The following CAMK4 variants were observed in gnomAD, a reference collection of about 807,000 sequenced individuals.
The protein encoded by CAMK4 is calcium/calmodulin dependent protein kinase IV.
Under a neutral mutation model 44.9 loss-of-function variants are expected in CAMK4, and 22 were observed. The observed-to-expected ratio is 0.49, with a 90% CI of 0.35 to 0.70. CAMK4 has a LOEUF of 0.70. CAMK4 is among the 30% of genes least tolerant of loss of function. The probability of loss-of-function intolerance (pLI) is 0.01; values close to 1 mark genes in which losing one functional copy is unlikely to be tolerated. For missense variants in CAMK4, 498 were observed against 586.8 expected, an observed-to-expected ratio of 0.85 and a Z score of 1.56; for synonymous variants, 218 against 215.4, an observed-to-expected ratio of 1.01 and a Z score of -0.11.
chr5:111,377,549 G>A (rs1243082173), intron 4 of CAMK4, among the ~76,000 whole-genome samples: 5 of 151,858 alleles, frequency 3.3e-5, no homozygotes, highest in Non-Finnish European at 7.4e-5. Flanking sequence ...TGGAAATCTG[G>A]CAGAGCATAA....
chr5:111,443,965 G>A (rs1053285956), intron 5 of CAMK4, among the ~76,000 whole-genome samples: 5 of 152,110 alleles, frequency 3.3e-5, no homozygotes, highest in African/African-American at 7.2e-5. Flanking sequence ...TGGGGACACC[G>A]CATGTTTTCC....
intron 1 of CAMK4, among the ~76,000 whole-genome samples, chr5:111,325,257 A>G (rs577488279): frequency 1.2e-4 from 19 of 152,168 alleles, no homozygotes; most frequent in Admixed American, 9.8e-4. Flanking sequence ...TATCCAGTCT[A>G]TCATTGATGG....
At chr5:111,229,748 G>C (rs1454418126) in intron 1 of CAMK4, among the ~76,000 whole-genome samples, 1 of 152,112 alleles carries the variant, frequency 6.6e-6, no homozygotes, top group Non-Finnish European at 1.5e-5. Flanking sequence ...TATCTTACTA[G>C]GAATTAAAAA....
intron 2 of CAMK4, among the ~76,000 whole-genome samples, chr5:111,346,968 C>G (rs562492691): frequency 6.6e-6 from 1 of 152,058 alleles, no homozygotes; most frequent in East Asian, 1.9e-4. Context: ...AGCACGGGTA[C>G]ACTATGAAAG....
rs145320907 is a variant in CAMK4 at position 111,436,499 on chromosome 5, G to A, written c.460-10187G>A. On this transcript the variant is annotated intron_variant, in intron 5 of 10. Coordinates refer to ENST00000282356, the MANE Select transcript of CAMK4 (RefSeq NM_001744.6). ...CCCTATGACATTGCCATCCCAGCAA[G>A]TATTTTCCAGCAAAATGATGCTTCA... is the stretch of plus-strand genomic sequence containing the variant. Among the ~76,000 whole-genome samples, 892 of 152,260 alleles carry A rather than the reference G, an allele frequency of 5.9e-3. 6 individuals carry two copies. Among genetic ancestry groups the A allele is most frequent in the Admixed American group, 0.016 (246 of 15,286 alleles).
At chr5:111,373,754 A>C (rs1751102690) in intron 2 of CAMK4, among the ~76,000 whole-genome samples, 1 of 152,152 alleles carries the variant, frequency 6.6e-6, no homozygotes. Flanking sequence ...TTCACTTCTA[A>C]AACCATGTAA....
chr5:111,257,966 T>C (rs1749811050), intron 1 of CAMK4, among the ~76,000 whole-genome samples: 1 of 151,898 alleles, frequency 6.6e-6, no homozygotes. Flanking sequence ...GACAATGAGA[T>C]ACCATCTCAG....
At chr5:111,354,987 A>T (rs1750274424) in intron 2 of CAMK4, among the ~76,000 whole-genome samples, 1 of 152,120 alleles carries the variant, frequency 6.6e-6, no homozygotes, top group African/African-American at 2.4e-5. Context: ...TTCAATCTGG[A>T]TGAAAGATAT....
intron 1 of CAMK4, among the ~76,000 whole-genome samples, chr5:111,236,604 T>C (rs1312952450): frequency 6.6e-6 from 1 of 152,200 alleles, no homozygotes; most frequent in African/African-American, 2.4e-5. Flanking sequence ...TCTTCATATC[T>C]CTGTGGTGTT....
intron 3 of CAMK4, among the ~76,000 whole-genome samples, chr5:111,375,775 T>C (rs1040884655): frequency 6.6e-6 from 1 of 152,146 alleles, no homozygotes; most frequent in East Asian, 1.9e-4. Flanking sequence ...CCATCCTTGG[T>C]TCTGCCATCC....
chr5:111,401,131 CTCTCT>C (rs915659185), intron 5 of CAMK4, among the ~76,000 whole-genome samples: 7 of 152,126 alleles, frequency 4.6e-5, no homozygotes, highest in Non-Finnish European at 7.4e-5. Context: ...CTCTGCTCTT[CTCTCT>C]TCTCTTCTCT....
chr5:111,361,870 T>C (rs929127752), intron 2 of CAMK4, among the ~76,000 whole-genome samples: 3 of 152,034 alleles, frequency 2.0e-5, no homozygotes, highest in African/African-American at 7.2e-5. Context: ...TTTAGAAAAT[T>C]TTTTAGAATA....
chr5:111,285,835 G>C (rs1751219241), intron 1 of CAMK4, among the ~76,000 whole-genome samples: 1 of 152,200 alleles, frequency 6.6e-6, no homozygotes, highest in Non-Finnish European at 1.5e-5. Context: ...TGACAGAGCA[G>C]TGTTTGAGGG....
intron 1 of CAMK4, among the ~76,000 whole-genome samples, chr5:111,238,746 A>C (rs1222637197): frequency 7.0e-6 from 1 of 142,674 alleles, no homozygotes; most frequent in Non-Finnish European, 1.5e-5. Context: ...CCCACTTCAC[A>C]AGGAGTAAAG....
chr5:111,467,591 T>C (rs1754887253), intron 7 of CAMK4, among the ~76,000 whole-genome samples: 1 of 151,752 alleles, frequency 6.6e-6, no homozygotes, highest in African/African-American at 2.4e-5. Flanking sequence ...CTAACAAACA[T>C]ATGAAAAAAA....
intron 1 of CAMK4, among the ~76,000 whole-genome samples, chr5:111,283,547 A>G (rs977767733): frequency 2.0e-5 from 3 of 152,240 alleles, no homozygotes; most frequent in Admixed American, 1.3e-4. Flanking sequence ...CCATTGTGGC[A>G]GTCTTGAGGC....
chr5:111,274,665 C>G (rs1184692955), intron 1 of CAMK4, among the ~76,000 whole-genome samples: 2 of 152,014 alleles, frequency 1.3e-5, no homozygotes, highest in African/African-American at 2.4e-5. Flanking sequence ...AAAAAATAGC[C>G]CTTCAAAGAG....
intron 7 of CAMK4, among the ~76,000 whole-genome samples, chr5:111,471,217 CTT>C (rs2112484242): frequency 6.9e-6 from 1 of 145,632 alleles, no homozygotes; most frequent in South Asian, 2.1e-4. Context: ...CGAGTGAAAA[CTT>C]TGCTCAACTT....
intron 1 of CAMK4, among the ~76,000 whole-genome samples, chr5:111,227,669 C>G (rs969236928): frequency 4.6e-5 from 7 of 152,230 alleles, no homozygotes; most frequent in Non-Finnish European, 8.8e-5. Flanking sequence ...GCTGGCAGCA[C>G]TGATCCACAT....
Sources: gnomAD v4.1 joint callset for allele counts (sites outside exome capture counted in the v4.1 genomes callset) on GRCh38, gnomAD v4.1.1 for gene constraint, MANE v1.5 for transcripts, NCBI Gene and HGNC (gene_info 2026-07-23, HGNC 2026-07-21) for gene names.